SPOCK3: variants seen among roughly 807,000 people sequenced by gnomAD.
SPOCK3 encodes SPARC (osteonectin), cwcv and kazal like domains proteoglycan 3.
In SPOCK3, 30 loss-of-function variants were observed where a neutral mutation model predicts 56.6. The observed-to-expected ratio is 0.53, with a 90% CI of 0.40 to 0.72. The LOEUF is 0.72. Ranked by LOEUF, SPOCK3 falls within the 30% of genes least tolerant of loss-of-function variation. The probability of loss-of-function intolerance (pLI) is 0.00; values close to 1 mark genes in which losing one functional copy is unlikely to be tolerated. For synonymous variants in SPOCK3, 196 were observed against 183.3 expected (o/e 1.07, Z -0.56); for missense variants, 527 against 530.0 (o/e 0.99, Z 0.06).
intron 2 of SPOCK3, among the ~76,000 whole-genome samples, chr4:167,208,080 G>A (rs574020693): frequency 6.6e-6 from 1 of 152,052 alleles, no homozygotes; most frequent in African/African-American, 2.4e-5. Context: ...CTAAGTATTT[G>A]GCAAACACTT....
chr4:167,097,237 C>A (rs984419161), intron 2 of SPOCK3, among the ~76,000 whole-genome samples: 1 of 151,756 alleles, frequency 6.6e-6, no homozygotes, highest in African/African-American at 2.4e-5. Flanking sequence ...TTGTTCATGT[C>A]ATTTTTCTTT....
chr4:167,157,774 A>G (rs548978612), intron 2 of SPOCK3, among the ~76,000 whole-genome samples: 85 of 151,980 alleles, frequency 5.6e-4, no homozygotes, highest in Middle Eastern at 3.4e-3. Flanking sequence ...ACACACAGAC[A>G]CACCCCCAAA....
Position 167,191,923 on chromosome 4 carries a change from T to C in SPOCK3, c.189+42062A>G, listed in dbSNP as rs910780508. Among the ~76,000 whole-genome samples, 7 of 145,698 alleles carry C rather than the reference T, an allele frequency of 4.8e-5. 1 individual carries two copies. The highest frequency in any genetic ancestry group is 1.0e-4 in the Non-Finnish European group (7 of 66,706). On this transcript the variant is annotated intron_variant, in intron 2 of 10. Coordinates refer to ENST00000357545, the MANE Select transcript of SPOCK3 (RefSeq NM_001040159.2). Reference sequence around the variant, plus strand: ...TAAGGTTGGCCACAAGCTTCTCATATATGTTCTTCATTAAGTTGAAGTACA... The same window carrying C: ...TAAGGTTGGCCACAAGCTTCTCATACATGTTCTTCATTAAGTTGAAGTACA...
At chr4:167,080,884 T>C (rs1229251757) in intron 2 of SPOCK3, among the ~76,000 whole-genome samples, 1 of 149,514 alleles carries the variant, frequency 6.7e-6, no homozygotes, top group Non-Finnish European at 1.5e-5. Flanking sequence ...CTTTCTTTTT[T>C]TTTTTTTTTT....
At chr4:167,160,364 A>G (rs1175913454) in intron 2 of SPOCK3, among the ~76,000 whole-genome samples, 11 of 152,230 alleles carry the variant, frequency 7.2e-5, no homozygotes, top group South Asian at 2.1e-4. Flanking sequence ...AAGGAGAACT[A>G]CAAACCACTG....
At chr4:166,986,288 T>C (rs186567069) in intron 4 of SPOCK3, among the ~76,000 whole-genome samples, 87 of 152,292 alleles carry the variant, frequency 5.7e-4, no homozygotes, top group Non-Finnish European at 9.7e-4. Context: ...GCTAGCATGT[T>C]GAAGTGTTAC....
At chr4:167,037,323 A>T (rs565275608) in intron 3 of SPOCK3, among the ~76,000 whole-genome samples, 1 of 152,130 alleles carries the variant, frequency 6.6e-6, no homozygotes, top group Admixed American at 6.5e-5. Context: ...CTCTACTAAA[A>T]ATACAAAAAT....
intron 4 of SPOCK3, among the ~76,000 whole-genome samples, chr4:166,973,562 T>A (rs973597325): frequency 6.6e-6 from 1 of 151,894 alleles, no homozygotes; most frequent in Non-Finnish European, 1.5e-5. Context: ...TTAAACATTA[T>A]CAACTAATTT....
chr4:166,994,431 G>T (rs1472069493), intron 4 of SPOCK3, among the ~76,000 whole-genome samples: 1 of 152,026 alleles, frequency 6.6e-6, no homozygotes, highest in Non-Finnish European at 1.5e-5. Context: ...TCTGTCTCTG[G>T]CCCCTTGTGC....
At chr4:167,205,489 A>ATTATATAATATATATTATATATATT (rs1734142680) in intron 2 of SPOCK3, among the ~76,000 whole-genome samples, 1 of 54,352 alleles carries the variant, frequency 1.8e-5, no homozygotes, top group African/African-American at 8.3e-5. Flanking sequence ...TATAATATAT[A>ATTATATAATATATATTATATATATT]ATATATAATA....
chr4:166,875,308 G>T (rs1482032356), intron 6 of SPOCK3, among the ~76,000 whole-genome samples: 1 of 151,974 alleles, frequency 6.6e-6, no homozygotes, highest in African/African-American at 2.4e-5. Flanking sequence ...TAGTAGGTGT[G>T]ATATTTTTGT....
intron 4 of SPOCK3, among the ~76,000 whole-genome samples, chr4:166,940,925 G>A (rs1424949485): frequency 3.3e-5 from 5 of 150,532 alleles, no homozygotes; most frequent in Admixed American, 1.3e-4. Flanking sequence ...ATCCTTATGA[G>A]CAGCCCATCC....
intron 2 of SPOCK3, among the ~76,000 whole-genome samples, chr4:167,073,108 T>C (rs1353488811): frequency 2.0e-5 from 3 of 151,750 alleles, no homozygotes; most frequent in Middle Eastern, 3.4e-3. Context: ...ATATTAATAA[T>C]GTAAAAATAT....
At chr4:166,796,545 T>C (rs975441278) in intron 6 of SPOCK3, among the ~76,000 whole-genome samples, 7 of 152,230 alleles carry the variant, frequency 4.6e-5, no homozygotes, top group Non-Finnish European at 1.0e-4. Context: ...TTTTGCTTAA[T>C]GTTAAAAAAT....
intron 2 of SPOCK3, among the ~76,000 whole-genome samples, chr4:167,184,098 T>C (rs1731740981): frequency 6.6e-6 from 1 of 152,226 alleles, no homozygotes; most frequent in Admixed American, 6.5e-5. Context: ...GTTCTCTTTA[T>C]GTGCACATTG....
Position 166,841,343 on chromosome 4 carries a change from A to G in SPOCK3, c.589+47787T>C, listed in dbSNP as rs112401455. Reference sequence around the variant, plus strand: ...AGTAGGATGTCACAGAATAAGAATAATAAGTGTAGATGCAAGCAAAAGAAA... The same window carrying G: ...AGTAGGATGTCACAGAATAAGAATAGTAAGTGTAGATGCAAGCAAAAGAAA... On this transcript the variant is annotated intron_variant, in intron 6 of 10. Transcript: ENST00000357545. Among the ~76,000 whole-genome samples, 651 of 152,346 alleles carry G rather than the reference A, an allele frequency of 4.3e-3. 7 individuals are homozygous for G. The highest frequency in any genetic ancestry group is 0.014 in the African/African-American group (597 of 41,574).
intron 4 of SPOCK3, among the ~76,000 whole-genome samples, chr4:166,972,903 T>C (rs1745542006): frequency 6.6e-6 from 1 of 152,178 alleles, no homozygotes; most frequent in Admixed American, 6.5e-5. Context: ...ATTCAGTAGT[T>C]TGGATAAACT....
Position 167,151,584 on chromosome 4 carries a change from G to A in SPOCK3, c.189+82401C>T, listed in dbSNP as rs560300174. ...GGAGTAGGTGGGACTACAGGCACCC[G>A]CCACCACGCCTGGCTAATTTTTTTG... On this transcript the variant is annotated intron_variant, in intron 2 of 10. Transcript: ENST00000357545. 1.4e-4 allele frequency among the ~76,000 whole-genome samples: 22 copies of A among 152,006 alleles called. 1 individual carries two copies. In the East Asian group the frequency reaches 2.7e-3, roughly 19 times the overall value.
intron 6 of SPOCK3, among the ~76,000 whole-genome samples, chr4:166,827,590 AG>A (rs1195767074): frequency 6.6e-6 from 1 of 152,090 alleles, no homozygotes; most frequent in Non-Finnish European, 1.5e-5. Flanking sequence ...TAAATGGCTC[AG>A]GTCAGTATTC....
Sources: gnomAD v4.1 joint callset for allele counts (sites outside exome capture counted in the v4.1 genomes callset) on GRCh38, gnomAD v4.1.1 for gene constraint, MANE v1.5 for transcripts, NCBI Gene and HGNC (gene_info 2026-07-23, HGNC 2026-07-21) for gene names.